Variants in PAPSS1 observed in about 807,000 individuals in gnomAD.
The protein encoded by PAPSS1 is bifunctional 3'-phosphoadenosine 5'-phosphosulfate synthase 1.
In PAPSS1, 50 loss-of-function variants were observed where a neutral mutation model predicts 72.0. The ratio of observed to expected loss-of-function variants is 0.69; its 90% CI spans 0.55 to 0.88. The LOEUF is 0.88. Among genes scored for constraint, PAPSS1 ranks in the 40% least tolerant of loss-of-function variants. The pLI is 0.00. For missense variants in PAPSS1, 657 were observed against 782.2 expected (o/e 0.84, Z 1.91); for synonymous variants, 261 against 263.6 (o/e 0.99, Z 0.09).
chr4:107,639,978 T>A (rs1014315790), intron 10 of PAPSS1, among the ~76,000 whole-genome samples: 1 of 152,206 alleles, frequency 6.6e-6, no homozygotes, highest in Non-Finnish European at 1.5e-5. Context: ...CAAAGGATAA[T>A]CTCTACCTCC....
rs530716302 is a variant in PAPSS1 at position 107,657,521 on chromosome 4, A to G, written c.784-514T>C. ...CAGATCACCTGACCTCAGGAGCTCA[A>G]GACCAGCCTGGCCAACATGGTGAAA... On this transcript the variant is annotated intron_variant, in intron 6 of 11. Transcript: ENST00000265174. Among the ~76,000 whole-genome samples the G allele has an allele frequency of 1.3e-4, 20 of 152,304 alleles. No individual in the cohort carries two copies. The South Asian group carries it at 4.1e-3, about 32-fold the overall frequency.
chr4:107,632,466 A>G (rs60588934), intron 10 of PAPSS1, among the ~76,000 whole-genome samples: 100 of 152,250 alleles, frequency 6.6e-4, no homozygotes, highest in African/African-American at 1.8e-3. Flanking sequence ...AGAAAATCGT[A>G]TAACTAATAT....
intron 5 of PAPSS1, among the ~76,000 whole-genome samples, chr4:107,681,295 G>C: frequency 6.6e-6 from 1 of 152,092 alleles, no homozygotes; most frequent in East Asian, 1.9e-4. Flanking sequence ...CAAGGTGACA[G>C]GGTAATCACT....
chr4:107,632,275 GCT>G (rs1239047601), intron 10 of PAPSS1, among the ~76,000 whole-genome samples: 1 of 152,048 alleles, frequency 6.6e-6, no homozygotes, highest in African/African-American at 2.4e-5. Context: ...TCATGGTAAT[GCT>G]CTGTTTCTTG....
chr4:107,683,977 A>G (rs10024009), intron 4 of PAPSS1, among the ~76,000 whole-genome samples: 1 of 126,460 alleles, frequency 7.9e-6, no homozygotes, highest in African/African-American at 2.6e-5. Flanking sequence ...CACACACACA[A>G]ACACACATTA....
In PAPSS1 at chr4:107,631,963, G is replaced by T. The variant is rs1008842904; in HGVS notation, c.1507-103C>A. ...ATATGCTTTTTATAAAATCATTATC[G>T]GTAGGAAATCTCAACAAATTTAGAT... On this transcript the variant is annotated intron_variant, in intron 10 of 11. Coordinates refer to ENST00000265174, the MANE Select transcript of PAPSS1 (RefSeq NM_005443.5). 6.6e-6 allele frequency: 5 copies of T among 757,958 alleles called. No individual in the cohort carries two copies. In the African/African-American group the frequency reaches 7.1e-5, roughly 11 times the overall value. 47.0% of individuals were successfully genotyped at this position (757,958 alleles called of 1,614,324 possible). A position where few individuals can be genotyped will look rare whatever the true frequency, so the allele number is the denominator to read the frequency against.
chr4:107,717,235 T>C (rs1295882970), intron 1 of PAPSS1, among the ~76,000 whole-genome samples: 1 of 152,222 alleles, frequency 6.6e-6, no homozygotes, highest in Non-Finnish European at 1.5e-5. Context: ...TTTTACTTTT[T>C]AATGTGGTAT....
intron 11 of PAPSS1, among the ~76,000 whole-genome samples, chr4:107,630,014 A>C (rs1485551621): frequency 1.3e-5 from 2 of 152,120 alleles, no homozygotes; most frequent in African/African-American, 2.4e-5. Flanking sequence ...TTCATTTCCT[A>C]ATCTTAAAAA....
At chr4:107,619,407 C>T (rs1725901253) in intron 11 of PAPSS1, among the ~76,000 whole-genome samples, 1 of 152,212 alleles carries the variant, frequency 6.6e-6, no homozygotes, top group South Asian at 2.1e-4. Flanking sequence ...ACGGAAAACA[C>T]ATTTTCCTCC....
chr4:107,711,110 T>C (rs1723480486), intron 1 of PAPSS1, among the ~76,000 whole-genome samples: 1 of 152,248 alleles, frequency 6.6e-6, no homozygotes, highest in Non-Finnish European at 1.5e-5. Context: ...AAAAGCTAGA[T>C]ACAAGACATT....
At chr4:107,665,377 T>C (rs1026732168) in intron 5 of PAPSS1, among the ~76,000 whole-genome samples, 1 of 152,182 alleles carries the variant, frequency 6.6e-6, no homozygotes, top group Non-Finnish European at 1.5e-5. Flanking sequence ...CCCTGCCACA[T>C]GAGCTATCCA....
At position 107,633,918 on chromosome 4, in the gene PAPSS1, C is replaced by CAA. The variant is rs765586369; in HGVS notation, c.1507-2060_1507-2059dup. On this transcript the variant is annotated intron_variant, in intron 10 of 11. Transcript: ENST00000265174. ...TGGGCGAAAGAACGAGACTCCGTCT[C>CAA]AAAAAAAAAAAAAAAAAAAGAATGG... 4.4e-3 allele frequency among the ~76,000 whole-genome samples: 391 copies of CAA among 89,876 alleles called. 5 individuals carry two copies. The highest frequency in any genetic ancestry group is 0.012 in the East Asian group (34 of 2,780). The allele number at this position is 89,876 out of a possible 152,430, so 59.0% of individuals were successfully genotyped here.
chr4:107,640,981 A>G (rs1726524614), intron 10 of PAPSS1, among the ~76,000 whole-genome samples: 1 of 152,108 alleles, frequency 6.6e-6, no homozygotes, highest in African/African-American at 2.4e-5. Context: ...CCAAAGCACA[A>G]AGCTACTTTG....
chr4:107,661,946 A>G (rs906307360), intron 5 of PAPSS1, among the ~76,000 whole-genome samples: 2 of 152,130 alleles, frequency 1.3e-5, no homozygotes, highest in Admixed American at 6.5e-5. Flanking sequence ...TTTCTCACAC[A>G]CCCTGTTTCC....
chr4:107,660,438 G>T (rs181298906), intron 5 of PAPSS1, among the ~76,000 whole-genome samples: 2 of 152,066 alleles, frequency 1.3e-5, no homozygotes, highest in Non-Finnish European at 2.9e-5. Context: ...ACCATATCAC[G>T]AAACCATTTT....
chr4:107,718,442 G>A (rs1053825952), intron 1 of PAPSS1: 1 of 152,170 alleles, frequency 6.6e-6, no homozygotes, highest in Non-Finnish European at 1.5e-5. Context: ...ACTTATCCAT[G>A]CAGTTCCCCT....
At position 107,622,949 on chromosome 4, in the gene PAPSS1, G is replaced by C. The variant is rs200247902; in HGVS notation, c.1737-8562C>G. On this transcript the variant is annotated intron_variant, in intron 11 of 11. Transcript: ENST00000265174. ...GTGAGTAGATTTATGTATTTGATAA[G>C]AAAAAGCAAAACAGCCTTCATTTAA... Among the ~76,000 whole-genome samples the C allele has an allele frequency of 4.7e-4, 72 of 152,276 alleles. No individual in the cohort carries two copies. In the East Asian group the frequency reaches 9.8e-3, roughly 21 times the overall value.
chr4:107,637,794 T>C (rs1304570872), intron 10 of PAPSS1, among the ~76,000 whole-genome samples: 4 of 152,190 alleles, frequency 2.6e-5, no homozygotes, highest in African/African-American at 9.6e-5. Context: ...GTCAAAAACA[T>C]TGGTTGTGTT....
chr4:107,626,899 C>A (rs2110299439), intron 11 of PAPSS1, among the ~76,000 whole-genome samples: 1 of 152,230 alleles, frequency 6.6e-6, no homozygotes, highest in South Asian at 2.1e-4. Flanking sequence ...AAAGCTTCCC[C>A]AGTTATTACT....
Sources: allele counts gnomAD v4.1 joint callset (sites outside exome capture counted in the v4.1 genomes callset), GRCh38; gene constraint gnomAD v4.1.1; transcripts MANE v1.5; gene names NCBI Gene and HGNC (gene_info 2026-07-23, HGNC 2026-07-21).